The following EML6 variants were observed in gnomAD, a reference collection of about 807,000 sequenced individuals.
EML6 encodes the protein EMAP like 6, also known as echinoderm microtubule-associated protein-like 6.
EML6 carries 154 observed loss-of-function variants against 240.1 expected under a neutral mutation model. The observed-to-expected ratio is 0.64, with a 90% confidence interval of 0.56 to 0.73. The LOEUF (loss-of-function observed/expected upper bound fraction) is 0.73, where lower values mean the gene tolerates loss of function less well. EML6 is among the 30% of genes least tolerant of loss of function. The probability of loss-of-function intolerance (pLI) is 0.00; values close to 1 mark genes in which losing one functional copy is unlikely to be tolerated. For missense variants in EML6, 2,964 were observed against 2,474.6 expected (o/e 1.20, Z -4.20); for synonymous variants, 1,148 against 899.0 (o/e 1.28, Z -4.95).
intron 28 of EML6, among the ~76,000 whole-genome samples, chr2:54,931,322 TGA>T: frequency 6.6e-6 from 1 of 152,068 alleles, no homozygotes; most frequent in East Asian, 1.9e-4. Flanking sequence ...TTGGGGAATT[TGA>T]GAGAAAGCAG....
intron 32 of EML6, among the ~76,000 whole-genome samples, chr2:54,955,282 T>G (rs1251560466): frequency 6.6e-6 from 1 of 152,138 alleles, no homozygotes; most frequent in East Asian, 1.9e-4. Flanking sequence ...GCATCTTAAA[T>G]GATAGACAGA....
At chr2:54,773,303 C>G (rs1668472518) in intron 2 of EML6, among the ~76,000 whole-genome samples, 1 of 152,242 alleles carries the variant, frequency 6.6e-6, no homozygotes, top group Non-Finnish European at 1.5e-5. Context: ...AGCATGTAGC[C>G]CAAAGCCGGG....
chr2:54,964,928 G>A (rs1356534451), intron 38 of EML6, among the ~76,000 whole-genome samples, 195 bp downstream of exon 38: 2 of 152,134 alleles, frequency 1.3e-5, no homozygotes, highest in African/African-American at 4.8e-5. Flanking sequence ...GAACGTGGAG[G>A]AAATAGAATT....
At chr2:54,954,392 AGG>A (rs1213187747) in intron 32 of EML6, among the ~76,000 whole-genome samples, 6 of 152,126 alleles carry the variant, frequency 3.9e-5, no homozygotes, top group African/African-American at 1.4e-4. Flanking sequence ...CCATTAGTGA[AGG>A]GGCTCTGAGG....
chr2:54,954,516 C>A (rs564150596), intron 32 of EML6, among the ~76,000 whole-genome samples: 1 of 152,330 alleles, frequency 6.6e-6, no homozygotes, highest in Non-Finnish European at 1.5e-5. Context: ...TTTCTGATGG[C>A]CCCTGGATCC....
chr2:54,967,743 C>G (rs562706901), intron 39 of EML6, among the ~76,000 whole-genome samples: 5 of 152,090 alleles, frequency 3.3e-5, no homozygotes, highest in Non-Finnish European at 7.4e-5. Flanking sequence ...CACCAGGGAC[C>G]AATTTCATGG....
At chr2:54,826,080 T>G (rs1172036527) in intron 5 of EML6, among the ~76,000 whole-genome samples, 1 of 152,220 alleles carries the variant, frequency 6.6e-6, no homozygotes, top group East Asian at 1.9e-4. Flanking sequence ...TCTCATTGTT[T>G]CATTTGCCTC....
intron 7 of EML6, among the ~76,000 whole-genome samples, chr2:54,833,542 T>G (rs1485691233): frequency 6.6e-6 from 1 of 152,226 alleles, no homozygotes; most frequent in Non-Finnish European, 1.5e-5. Flanking sequence ...AGGTTAAGCG[T>G]GAATGATTGG....
At chr2:54,795,475 G>A (rs1669711770) in intron 2 of EML6, among the ~76,000 whole-genome samples, 1 of 152,178 alleles carries the variant, frequency 6.6e-6, no homozygotes, top group Admixed American at 6.5e-5. Context: ...GGAACACAGA[G>A]CCAATATCAG....
intron 2 of EML6, among the ~76,000 whole-genome samples, chr2:54,775,994 A>T (rs1279665275): frequency 6.6e-6 from 1 of 152,156 alleles, no homozygotes; most frequent in African/African-American, 2.4e-5. Flanking sequence ...GTTTGCCATT[A>T]TGTATTCTAT....
In EML6 at chr2:54,971,524, A is replaced by G. The variant is rs180893154; in HGVS notation, c.*1429A>G. Reference sequence around the variant, plus strand: ...AATGAGGCATTTTCAATTGTAGAATAGACTAACATTTACCACAGAAGTGCT... The same window carrying G: ...AATGAGGCATTTTCAATTGTAGAATGGACTAACATTTACCACAGAAGTGCT... On this transcript the variant is annotated 3_prime_UTR_variant, in exon 42 of 42. Transcript: ENST00000356458. The G allele has an allele frequency of 3.9e-5, 6 of 152,382 alleles. No individual in the cohort carries two copies. Among genetic ancestry groups the G allele is most frequent in the Admixed American group, 3.9e-4 (6 of 15,308 alleles). 9.4% of individuals were successfully genotyped at this position (152,382 alleles called of 1,614,324 possible). A position where few individuals can be genotyped will look rare whatever the true frequency, so the allele number is the denominator to read the frequency against.
chr2:54,794,580 G>T (rs1048157271), intron 2 of EML6, among the ~76,000 whole-genome samples: 1 of 152,058 alleles, frequency 6.6e-6, no homozygotes, highest in Non-Finnish European at 1.5e-5. Context: ...GCCCCCTAAA[G>T]GATCCTGTCT....
intron 10 of EML6, 96 bp downstream of exon 10, chr2:54,850,314 G>C (rs1390285315): frequency 2.6e-6 from 3 of 1,169,022 alleles, no homozygotes; most frequent in Non-Finnish European, 3.6e-6. Context: ...TTTAGAATTT[G>C]TACAGCAGGT....
chr2:54,753,656 T>G (rs999150612), intron 2 of EML6, among the ~76,000 whole-genome samples: 7 of 140,134 alleles, frequency 5.0e-5, no homozygotes, highest in African/African-American at 1.9e-4. Context: ...AAGAATGCAG[T>G]CCTGAGTTTT....
intron 15 of EML6, among the ~76,000 whole-genome samples, chr2:54,869,633 G>A (rs1187411336): frequency 6.6e-6 from 1 of 152,156 alleles, no homozygotes; most frequent in East Asian, 1.9e-4. Flanking sequence ...TGAAAGTTTT[G>A]TCAAGGAGCA....
chr2:54,850,656 C>T (rs1670028614), intron 10 of EML6, among the ~76,000 whole-genome samples: 1 of 151,934 alleles, frequency 6.6e-6, no homozygotes, highest in Admixed American at 6.6e-5. Flanking sequence ...ATCATTAAAA[C>T]AACAGTAAAG....
intron 7 of EML6, among the ~76,000 whole-genome samples, chr2:54,835,563 C>T (rs1260871764): frequency 2.6e-5 from 4 of 152,194 alleles, no homozygotes; most frequent in Non-Finnish European, 5.9e-5. Context: ...ACTTAGTTCT[C>T]CTGCCCCAGA....
intron 2 of EML6, among the ~76,000 whole-genome samples, chr2:54,739,142 T>C (rs1266774947): frequency 6.6e-6 from 1 of 152,224 alleles, no homozygotes; most frequent in Non-Finnish European, 1.5e-5. Flanking sequence ...GGAAATTCTT[T>C]TGAAATATGG....
intron 2 of EML6, among the ~76,000 whole-genome samples, chr2:54,777,223 A>G (rs1396656797): frequency 6.6e-6 from 1 of 152,036 alleles, no homozygotes; most frequent in Non-Finnish European, 1.5e-5. Context: ...AGGTTTTAGC[A>G]TGGAGCCAAA....
Sources: allele counts gnomAD v4.1 joint callset (sites outside exome capture counted in the v4.1 genomes callset), GRCh38; gene constraint gnomAD v4.1.1; transcripts MANE v1.5; gene names NCBI Gene and HGNC (gene_info 2026-07-23, HGNC 2026-07-21).